Variants in LAPTM4B observed in about 807,000 individuals in gnomAD.
The protein encoded by LAPTM4B is lysosomal protein transmembrane 4 beta, also known as lysosomal-associated transmembrane protein 4B.
Under a neutral mutation model 28.5 loss-of-function variants are expected in LAPTM4B, and 26 were observed. That is an observed-to-expected ratio of 0.91 (90% CI 0.67 to 1.27). The LOEUF (loss-of-function observed/expected upper bound fraction) is 1.27. LAPTM4B is among the 50% of genes most tolerant of loss of function. LAPTM4B has a pLI of 0.00. For synonymous variants in LAPTM4B, 109 were observed against 106.4 expected (o/e 1.02, Z -0.15); for missense variants, 288 against 285.8 (o/e 1.01, Z -0.06).
At chr8:97,819,412 A>G (rs1401373079) in intron 5 of LAPTM4B, among the ~76,000 whole-genome samples, 174 bp downstream of exon 5, 1 of 152,194 alleles carries the variant, frequency 6.6e-6, no homozygotes, top group Non-Finnish European at 1.5e-5. Context: ...ACACTAATCA[A>G]AATTCCACAG....
At chr8:97,804,279 C>G (rs1193515817) in intron 1 of LAPTM4B, among the ~76,000 whole-genome samples, 1 of 152,074 alleles carries the variant, frequency 6.6e-6, no homozygotes, top group East Asian at 1.9e-4. Flanking sequence ...TACCCCAGCC[C>G]CATCAAAGTT....
At chr8:97,778,402 C>G (rs1204511828) in intron 1 of LAPTM4B, among the ~76,000 whole-genome samples, 1 of 151,740 alleles carries the variant, frequency 6.6e-6, no homozygotes, top group East Asian at 1.9e-4. Flanking sequence ...TTGACTCTCC[C>G]TTAGCTAAGA....
intron 6 of LAPTM4B, among the ~76,000 whole-genome samples, chr8:97,828,284 TGA>T (rs1817124978): frequency 1.3e-5 from 2 of 151,780 alleles, no homozygotes; most frequent in Admixed American, 6.6e-5. Flanking sequence ...GTACCTAAAG[TGA>T]GAGAGAAAGG....
intron 5 of LAPTM4B, among the ~76,000 whole-genome samples, chr8:97,821,765 G>A (rs932991770): frequency 1.3e-5 from 2 of 152,110 alleles, no homozygotes; most frequent in Admixed American, 6.6e-5. Flanking sequence ...GGCTTAGATT[G>A]TAGTGCGGCA....
In LAPTM4B at chr8:97,823,881, T is replaced by C. The variant is rs1283950461; in HGVS notation, c.508-1177T>C. On this transcript the variant is annotated intron_variant, in intron 5 of 6. Coordinates refer to ENST00000521545, the MANE Select transcript of LAPTM4B (RefSeq NM_018407.6). ...CCCAGCTAATGTTTTTGTATTTTAG[T>C]AGAGATGGAGTTTCACTGTGTTGCC... Among the ~76,000 whole-genome samples the C allele has an allele frequency of 2.0e-5, 3 of 151,188 alleles. No homozygotes were observed. The East Asian group carries it at 5.9e-4, about 29-fold the overall frequency.
intron 1 of LAPTM4B, among the ~76,000 whole-genome samples, chr8:97,779,573 T>A (rs556459291): frequency 6.6e-6 from 1 of 150,968 alleles, no homozygotes; most frequent in East Asian, 2.0e-4. Context: ...TCACTTGAGG[T>A]CAGGAGTTCT....
At chr8:97,840,739 A>T (rs1042769114) in intron 6 of LAPTM4B, among the ~76,000 whole-genome samples, 20 of 152,244 alleles carry the variant, frequency 1.3e-4, no homozygotes, top group African/African-American at 4.8e-4. Flanking sequence ...GTCACTTCAC[A>T]CTTAGAAGGT....
chr8:97,851,746 C>G lies in LAPTM4B; in HGVS notation c.*272C>G, dbSNP rs912602766. On this transcript the variant is annotated 3_prime_UTR_variant, in exon 7 of 7. Coordinates refer to ENST00000521545, the MANE Select transcript of LAPTM4B (RefSeq NM_018407.6). ...CTAGGCATTGAAACTTCCCCCAAAT[C>G]TGATGGACCTAGAAGTCTGCTTTTG... is the stretch of plus-strand genomic sequence containing the variant. 2.8e-5 allele frequency: 13 copies of G among 466,396 alleles called. No individual in the cohort carries two copies. Among genetic ancestry groups the G allele is most frequent in the East Asian group, 3.8e-5 (1 of 26,254 alleles). 28.9% of individuals were successfully genotyped at this position (466,396 alleles called of 1,614,324 possible). A position where few individuals can be genotyped will look rare whatever the true frequency, so the allele number is the denominator to read the frequency against.
At position 97,800,201 on chromosome 8, in the gene LAPTM4B, C is replaced by T. The variant is rs1013490471; in HGVS notation, c.100-5152C>T. 3.9e-5 allele frequency among the ~76,000 whole-genome samples: 6 copies of T among 152,060 alleles called. No homozygotes were observed. The South Asian group carries it at 6.2e-4, about 16-fold the overall frequency. Reference sequence around the variant, plus strand: ...AGCTATATATGATCAGTAGACTCCACGGGGGAATAATAAGCGGATTAAGAG... The same window carrying T: ...AGCTATATATGATCAGTAGACTCCATGGGGGAATAATAAGCGGATTAAGAG... On this transcript the variant is annotated intron_variant, in intron 1 of 6. Coordinates refer to ENST00000521545, the MANE Select transcript of LAPTM4B (RefSeq NM_018407.6).
chr8:97,807,134 C>T lies in LAPTM4B; in HGVS notation c.211+1670C>T, dbSNP rs146529002. Among the ~76,000 whole-genome samples, 18 of 152,196 alleles carry T rather than the reference C, an allele frequency of 1.2e-4. No individual in the cohort carries two copies. The East Asian group carries it at 3.5e-3, about 29-fold the overall frequency. On this transcript the variant is annotated intron_variant, in intron 2 of 6. Coordinates refer to ENST00000521545, the MANE Select transcript of LAPTM4B (RefSeq NM_018407.6). ...ACTAATACAGGTGTAGGCTCCGAAG[C>T]CAGAAGAGGTCAGTTTGAGTTCTGA...
intron 6 of LAPTM4B, among the ~76,000 whole-genome samples, chr8:97,833,936 C>T (rs1817221963): frequency 1.3e-5 from 2 of 151,908 alleles, no homozygotes; most frequent in Admixed American, 6.6e-5. Context: ...GATAAATATA[C>T]GTGGTTTTGT....
intron 1 of LAPTM4B, among the ~76,000 whole-genome samples, chr8:97,779,481 T>C (rs554462906): frequency 6.7e-6 from 1 of 149,654 alleles, no homozygotes. Context: ...AGACTCTGTC[T>C]CAAAAAAAGA....
chr8:97,826,259 A>T (rs1817089137), intron 6 of LAPTM4B, among the ~76,000 whole-genome samples: 1 of 152,174 alleles, frequency 6.6e-6, no homozygotes, highest in South Asian at 2.1e-4. Flanking sequence ...AATATGCATG[A>T]GCAGTGGTTT....
intron 6 of LAPTM4B, among the ~76,000 whole-genome samples, chr8:97,843,943 C>G (rs1181446158): frequency 6.6e-6 from 1 of 152,020 alleles, no homozygotes; most frequent in Non-Finnish European, 1.5e-5. Flanking sequence ...AGTTTACTAC[C>G]AGAAAAGAAA....
intron 1 of LAPTM4B, among the ~76,000 whole-genome samples, chr8:97,779,911 C>T (rs1331467503): frequency 5.9e-5 from 9 of 151,444 alleles, no homozygotes; most frequent in East Asian, 5.8e-4. Flanking sequence ...ATTAGTCGGG[C>T]GCAGTGGCAG....
At chr8:97,789,531 T>C (rs566726341) in intron 1 of LAPTM4B, among the ~76,000 whole-genome samples, 6 of 136,608 alleles carry the variant, frequency 4.4e-5, no homozygotes, top group Non-Finnish European at 8.9e-5. Context: ...GCTAATTTTT[T>C]TTTTTTTTTT....
intron 6 of LAPTM4B, among the ~76,000 whole-genome samples, chr8:97,841,390 C>T (rs564500056): frequency 2.6e-5 from 4 of 152,176 alleles, no homozygotes; most frequent in Non-Finnish European, 4.4e-5. Flanking sequence ...TGCAATGGCA[C>T]GATCTTGGCT....
chr8:97,788,520 G>A (rs1464562849), intron 1 of LAPTM4B, among the ~76,000 whole-genome samples: 1 of 151,906 alleles, frequency 6.6e-6, no homozygotes, highest in Non-Finnish European at 1.5e-5. Flanking sequence ...AAGTGCTGAG[G>A]TTAACAGGTA....
chr8:97,818,375 A>G, intron 4 of LAPTM4B, among the ~76,000 whole-genome samples: 1 of 152,186 alleles, frequency 6.6e-6, no homozygotes, highest in Non-Finnish European at 1.5e-5. Flanking sequence ...AAAAGATGAG[A>G]TAGCACAGTA....
Sources: allele counts gnomAD v4.1 joint callset (sites outside exome capture counted in the v4.1 genomes callset), GRCh38; gene constraint gnomAD v4.1.1; transcripts MANE v1.5; gene names NCBI Gene and HGNC (gene_info 2026-07-23, HGNC 2026-07-21).